FBXW10B: variants seen among roughly 807,000 people sequenced by gnomAD.
FBXW10B encodes F-box and WD repeat domain containing protein 10B.
chr17:15,600,231 AT>A, the FBXW10B span, among the ~76,000 whole-genome samples: 3 of 149,186 alleles, frequency 2.0e-5, no homozygotes, highest in East Asian at 2.0e-4. Flanking sequence ...AAAAAAAAAA[AT>A]GTACTTACTT....
At chr17:15,619,183 C>T in the FBXW10B span, 1 of 1,613,956 alleles carries the variant, frequency 6.2e-7, no homozygotes, top group South Asian at 1.1e-5. Context: ...CTGTTTTATC[C>T]AACATTTGGT....
the FBXW10B span, among the ~76,000 whole-genome samples, chr17:15,583,472 G>A: frequency 6.7e-6 from 1 of 148,562 alleles, no homozygotes; most frequent in Non-Finnish European, 1.5e-5. Context: ...CAGCATCAGT[G>A]CCCCCAGGAC....
At chr17:15,598,744 G>A in the FBXW10B span, 2 of 1,558,468 alleles carry the variant, frequency 1.3e-6, no homozygotes, top group Non-Finnish European at 1.7e-6. Flanking sequence ...AGTTAGTTGG[G>A]AGGCAGCAGA....
chr17:15,586,682 G>T, the FBXW10B span, among the ~76,000 whole-genome samples: 94,138 of 150,828 alleles, frequency 0.62, 30,160 homozygotes, highest in Middle Eastern at 0.71. Flanking sequence ...ATGGAAGAGA[G>T]AAAGGCAAGG....
chr17:15,612,377 G>T, the FBXW10B span, among the ~76,000 whole-genome samples: 12 of 152,122 alleles, frequency 7.9e-5, no homozygotes, highest in Non-Finnish European at 2.9e-5. Context: ...AGCCGGGCTT[G>T]GTGGCGGGCT....
At chr17:15,608,222 G>T in the FBXW10B span, among the ~76,000 whole-genome samples, 1 of 144,180 alleles carries the variant, frequency 6.9e-6, no homozygotes, top group Non-Finnish European at 1.5e-5. Flanking sequence ...GTGTAGTGGT[G>T]CAATCTCAGC....
chr17:15,618,984 G>C, the FBXW10B span: 1 of 1,608,798 alleles, frequency 6.2e-7, no homozygotes, highest in Non-Finnish European at 8.5e-7. Context: ...GGGCCCTCTA[G>C]TCTCTGCCTG....
chr17:15,606,526 G>GA, the FBXW10B span, among the ~76,000 whole-genome samples: 1 of 149,638 alleles, frequency 6.7e-6, no homozygotes, highest in African/African-American at 2.5e-5. Context: ...GATTCACTCT[G>GA]AAAAAAGAAA....
chr17:15,594,074 T>A, the FBXW10B span, among the ~76,000 whole-genome samples: 1 of 152,260 alleles, frequency 6.6e-6, no homozygotes, highest in Admixed American at 6.5e-5. Context: ...CTTTTTTTTT[T>A]ATCTAACATA....
At chr17:15,593,453 G>A in the FBXW10B span, 15 of 1,614,004 alleles carry the variant, frequency 9.3e-6, no homozygotes, top group East Asian at 2.2e-5. Context: ...CTGCACAGGC[G>A]CTGATGACCC....
the FBXW10B span, among the ~76,000 whole-genome samples, chr17:15,611,586 C>G: frequency 1.2e-4 from 18 of 152,172 alleles, no homozygotes; most frequent in African/African-American, 4.1e-4. Context: ...CCCGTCTCCT[C>G]CTTTGTGTCA....
At chr17:15,571,897 A>G in the FBXW10B span, 1 of 148,688 alleles carries the variant, frequency 6.7e-6, no homozygotes, top group Non-Finnish European at 1.5e-5. Flanking sequence ...GTATGATTCC[A>G]TTTATATGAC....
At chr17:15,615,534 C>T in the FBXW10B span, 11 of 1,506,030 alleles carry the variant, frequency 7.3e-6, no homozygotes, top group Non-Finnish European at 8.9e-6. Flanking sequence ...AGGATGGTCT[C>T]GATCTCCTGA....
chr17:15,580,188 A>G, the FBXW10B span, among the ~76,000 whole-genome samples: 8 of 152,058 alleles, frequency 5.3e-5, no homozygotes, highest in Admixed American at 2.6e-4. Flanking sequence ...TTTGTTCAAG[A>G]AAATTAGTCT....
chr17:15,598,827 G>A, the FBXW10B span: 1 of 1,180,074 alleles, frequency 8.5e-7, no homozygotes, highest in East Asian at 2.6e-5. Context: ...GTGTAACTTT[G>A]AGGAAGTTAA....
At chr17:15,580,766 T>C in the FBXW10B span, among the ~76,000 whole-genome samples, 4 of 151,388 alleles carry the variant, frequency 2.6e-5, no homozygotes, top group East Asian at 7.7e-4. Context: ...GACTAAACTC[T>C]TGCTGTTTTG....
the FBXW10B span, among the ~76,000 whole-genome samples, chr17:15,596,979 G>A: frequency 6.6e-6 from 1 of 151,446 alleles, no homozygotes. Flanking sequence ...GATTCCTCAA[G>A]CCTGAAAAAT....
the FBXW10B span, among the ~76,000 whole-genome samples, chr17:15,603,605 T>A: frequency 6.6e-6 from 1 of 152,034 alleles, no homozygotes; most frequent in African/African-American, 2.4e-5. Context: ...GAAGAGATAT[T>A]CTCATATGCT....
the FBXW10B span, among the ~76,000 whole-genome samples, chr17:15,592,144 A>G: frequency 6.6e-6 from 1 of 152,226 alleles, no homozygotes; most frequent in South Asian, 2.1e-4. Context: ...CCAACAGCAT[A>G]AACTCTCTAG....
Sources: gnomAD v4.1 joint callset for allele counts (sites outside exome capture counted in the v4.1 genomes callset) on GRCh38, gnomAD v4.1.1 for gene constraint, MANE v1.5 for transcripts, NCBI Gene and HGNC (gene_info 2026-07-23, HGNC 2026-07-21) for gene names.